Variants in TCF4 observed in about 807,000 individuals in gnomAD.
The protein encoded by TCF4 is transcription factor 4.
A neutral mutation model predicts 82.1 loss-of-function variants in TCF4; 3 were observed. The observed-to-expected ratio is 0.04, with a 90% CI of 0.02 to 0.09. TCF4 has a LOEUF of 0.09. TCF4 is among the 10% of genes least tolerant of loss of function. TCF4 has a pLI of 1.00. For missense variants in TCF4, 518 were observed against 852.7 expected, an observed-to-expected ratio of 0.61 and a Z score of 4.89; for synonymous variants, 276 against 309.6, an observed-to-expected ratio of 0.89 and a Z score of 1.14.
intron 6 of TCF4, chr18:55,401,414 T>TTA: frequency 9.4e-7 from 1 of 1,067,302 alleles, no homozygotes; most frequent in South Asian, 3.0e-5. Context: ...CACGGCTACA[T>TTA]TACGAAGGCT....
chr18:55,589,701 C>A (rs1376879007), upstream of TCF4: 4 of 1,032,104 alleles, frequency 3.9e-6, no homozygotes, highest in African/African-American at 5.1e-5. Flanking sequence ...CATCCTCCTC[C>A]TCATCATCAT....
chr18:55,447,141 A>C (rs1367467662), intron 5 of TCF4, among the ~76,000 whole-genome samples: 2 of 152,056 alleles, frequency 1.3e-5, no homozygotes, highest in Non-Finnish European at 2.9e-5. Flanking sequence ...TTGTCTCTAC[A>C]AAAAATAAAA....
chr18:55,576,546 C>G (rs977679822), intron 3 of TCF4, among the ~76,000 whole-genome samples: 3 of 152,246 alleles, frequency 2.0e-5, no homozygotes, highest in Non-Finnish European at 4.4e-5. Context: ...TCTCTTTAAT[C>G]TACCCTTTCC....
chr18:55,297,159 T>TG (rs1297829901), intron 8 of TCF4, among the ~76,000 whole-genome samples: 2 of 140,114 alleles, frequency 1.4e-5, no homozygotes, highest in East Asian at 4.1e-4. Flanking sequence ...TTTTTTTTTT[T>TG]TTTTTTTTTT....
intron 8 of TCF4, among the ~76,000 whole-genome samples, chr18:55,328,250 A>G (rs531646795): frequency 6.6e-6 from 1 of 152,304 alleles, no homozygotes; most frequent in East Asian, 1.9e-4. Flanking sequence ...AAATGAAATT[A>G]GGCAAACATA....
At chr18:55,589,720 A>T (rs1003003806), upstream of TCF4, 5 of 1,027,062 alleles carry the variant, frequency 4.9e-6, no homozygotes, top group African/African-American at 1.7e-5. Flanking sequence ...ATCACCATGG[A>T]CTCCCCCGTG....
At chr18:55,388,983 G>A (rs1333513395) in intron 6 of TCF4, among the ~76,000 whole-genome samples, 2 of 151,824 alleles carry the variant, frequency 1.3e-5, no homozygotes, top group African/African-American at 4.8e-5. Context: ...AAAATTAGCC[G>A]GGCATGGTGG....
At chr18:55,504,000 G>A (rs960196702) in intron 3 of TCF4, among the ~76,000 whole-genome samples, 1 of 152,164 alleles carries the variant, frequency 6.6e-6, no homozygotes, top group African/African-American at 2.4e-5. Flanking sequence ...CTTGAACCCA[G>A]GAGGCAGAAG....
intron 8 of TCF4, among the ~76,000 whole-genome samples, chr18:55,336,496 A>G (rs2078673406): frequency 6.6e-6 from 1 of 152,158 alleles, no homozygotes; most frequent in Non-Finnish European, 1.5e-5. Flanking sequence ...GTTTGTCCAT[A>G]TACTAGGAGA....
intron 8 of TCF4, among the ~76,000 whole-genome samples, chr18:55,319,852 TTAAA>T (rs1167230130): frequency 6.6e-6 from 1 of 152,140 alleles, no homozygotes; most frequent in African/African-American, 2.4e-5. Context: ...GGTACAAAAC[TTAAA>T]TTAAAATTTT....
At chr18:55,478,916 T>C (rs2096362610) in intron 3 of TCF4, among the ~76,000 whole-genome samples, 1 of 151,782 alleles carries the variant, frequency 6.6e-6, no homozygotes, top group African/African-American at 2.4e-5. Flanking sequence ...GAAATCTCTG[T>C]ATTATTTAGA....
intron 3 of TCF4, among the ~76,000 whole-genome samples, chr18:55,548,191 T>G (rs1325811396): frequency 6.6e-6 from 1 of 152,266 alleles, no homozygotes; most frequent in African/African-American, 2.4e-5. Flanking sequence ...GATTAACATG[T>G]GGATTTACTG....
chr18:55,540,913 T>G (rs1205882370), intron 3 of TCF4, among the ~76,000 whole-genome samples: 1 of 152,050 alleles, frequency 6.6e-6, no homozygotes, highest in Non-Finnish European at 1.5e-5. Context: ...AATTATTTTA[T>G]TTTAGAGAAA....
intron 3 of TCF4, among the ~76,000 whole-genome samples, chr18:55,528,275 G>A (rs181328985): frequency 6.6e-6 from 1 of 152,180 alleles, no homozygotes; most frequent in African/African-American, 2.4e-5. Context: ...TCTAATGTTT[G>A]GTAAGTAATT....
intron 3 of TCF4, among the ~76,000 whole-genome samples, chr18:55,570,327 C>T (rs373572707): frequency 3.9e-5 from 6 of 152,064 alleles, no homozygotes; most frequent in African/African-American, 1.4e-4. Context: ...AAAATAATTA[C>T]GTGACTATCT....
chr18:55,603,242 C>A (rs1215287931), intron 2 of TCF4, among the ~76,000 whole-genome samples: 1 of 152,108 alleles, frequency 6.6e-6, no homozygotes, highest in East Asian at 1.9e-4. Context: ...CCCTCTGTGC[C>A]CCTCAAGTTG....
intron 3 of TCF4, among the ~76,000 whole-genome samples, chr18:55,516,384 G>T (rs944273435): frequency 1.3e-5 from 2 of 150,898 alleles, no homozygotes; most frequent in African/African-American, 2.4e-5. Flanking sequence ...GGTTTTTTGG[G>T]TTTTTTTTTA....
At chr18:55,305,669 A>G (rs529208429) in intron 8 of TCF4, among the ~76,000 whole-genome samples, 1 of 152,274 alleles carries the variant, frequency 6.6e-6, no homozygotes, top group Admixed American at 6.5e-5. Context: ...ATGTAACTGG[A>G]TAAATGGAGG....
At chr18:55,234,997 C>T (rs900932708) in intron 15 of TCF4, among the ~76,000 whole-genome samples, 2 of 152,130 alleles carry the variant, frequency 1.3e-5, no homozygotes, top group Admixed American at 6.5e-5. Flanking sequence ...CTATCATGTC[C>T]GCCAACAGAT....
Sources: gnomAD v4.1 joint callset for allele counts (sites outside exome capture counted in the v4.1 genomes callset) on GRCh38, gnomAD v4.1.1 for gene constraint, MANE v1.5 for transcripts, NCBI Gene and HGNC (gene_info 2026-07-23, HGNC 2026-07-21) for gene names.